ELF4: variants seen among roughly 807,000 people sequenced by gnomAD.
ELF4 encodes E74 like ETS transcription factor 4.
Under a neutral mutation model 31.7 loss-of-function variants are expected in ELF4, and 10 were observed. The observed-to-expected ratio is 0.32, with a 90% CI of 0.19 to 0.54. The LOEUF is 0.54. ELF4 is among the 20% of genes least tolerant of loss of function. ELF4 has a pLI of 0.95. For synonymous variants in ELF4, 208 were observed against 226.7 expected, an observed-to-expected ratio of 0.92 and a Z score of 0.74; for missense variants, 418 against 522.0, an observed-to-expected ratio of 0.80 and a Z score of 1.94.
intron 5 of ELF4, 52 bp downstream of exon 5, chrX:130,072,174 C>G: frequency 9.1e-7 from 1 of 1,094,615 alleles, no homozygotes; most frequent in South Asian, 1.9e-5. Flanking sequence ...CGCCCCCCCA[C>G]GCCCCGCCCA....
In ELF4 at chrX:130,064,469, G is replaced by T. The variant is rs897003413; in HGVS notation, c.*2252C>A. Among the ~76,000 whole-genome samples, 2 of 112,246 alleles carry T rather than the reference G, an allele frequency of 1.8e-5. No homozygotes were observed. Among genetic ancestry groups the T allele is most frequent in the African/African-American group, 3.2e-5 (1 of 30,921 alleles). ...AACAAACAAAAACATTGTTGATAGA[G>T]GGGCTATCTTTAAGGAGCTGACAAG... On this transcript the variant is annotated 3_prime_UTR_variant, in exon 9 of 9. Transcript: ENST00000308167.
At chrX:130,110,984 C>T (rs1933478408), upstream of ELF4, among the ~76,000 whole-genome samples, 1 of 34,501 alleles carries the variant, frequency 2.9e-5, no homozygotes, top group Non-Finnish European at 5.2e-5. Context: ...GAGGGACCGA[C>T]GGGAGGGACT....
chrX:130,097,542 G>A (rs1933172605), intron 1 of ELF4, among the ~76,000 whole-genome samples: 2 of 112,403 alleles, frequency 1.8e-5, no homozygotes, highest in South Asian at 7.3e-4. Flanking sequence ...GGTGCTGCAG[G>A]AGGCCTTTGA....
chrX:130,084,430 A>G (rs1039411408), intron 1 of ELF4, among the ~76,000 whole-genome samples: 1 of 112,416 alleles, frequency 8.9e-6, no homozygotes, highest in Non-Finnish European at 1.9e-5. Context: ...ACTGCATTGA[A>G]TGGAATCCTT....
At chrX:130,074,788 C>G (rs1932818644) in intron 2 of ELF4, 36 bp from the exon 3 acceptor site, 1 of 1,201,048 alleles carries the variant, frequency 8.3e-7, no homozygotes, top group East Asian at 3.0e-5. Flanking sequence ...CAAGACCCAC[C>G]CAGCTCTTCC....
At chrX:130,108,289 A>G (rs1338502080) in intron 1 of ELF4, among the ~76,000 whole-genome samples, 1 of 111,318 alleles carries the variant, frequency 9.0e-6, no homozygotes, top group Non-Finnish European at 1.9e-5. Context: ...AGCCTGGGTG[A>G]CAAAGTGAGA....
In ELF4 at chrX:130,101,850, G is replaced by T. The variant is rs145876112; in HGVS notation, c.-210+8475C>A. 1.8e-4 allele frequency among the ~76,000 whole-genome samples: 16 copies of T among 87,715 alleles called. No homozygotes were observed. In the Admixed American group the frequency reaches 1.9e-3, roughly 10 times the overall value. The allele number at this position is 87,715 out of a possible 115,157, so 76.2% of individuals were successfully genotyped here. A position where few individuals can be genotyped will look rare whatever the true frequency, so the allele number is the denominator to read the frequency against. The stretch of plus-strand genomic sequence containing the variant: ...ACAAAACAAAACAAAACAAAAACAA[G>T]GCCAGACTGGGCGCAGTGGCTCACG... On this transcript the variant is annotated intron_variant, in intron 1 of 8. Transcript: ENST00000308167.
rs753073437 is a variant in ELF4 at position 130,069,473 on chromosome X, A to G, written c.1014T>C (p.Ser338=). Residue 338 remains serine, a synonymous_variant, in exon 8 of 9, where the codon TCT becomes TCC. Coordinates refer to ENST00000308167, the MANE Select transcript of ELF4 (RefSeq NM_001421.4). ...RRTSSRVSSR[S]APQGKGSSSW... is the part of the protein sequence containing the mutation. The stretch of plus-strand genomic sequence containing the variant: ...AAGAGCTGCCCTTGCCCTGGGGGGC[A>G]GATCTGGATGAGACCCTGGAGCTGG... The G allele has an allele frequency of 7.4e-6, 9 of 1,212,486 alleles. No individual in the cohort carries two copies. The highest frequency in any genetic ancestry group is 1.0e-5 in the Non-Finnish European group (9 of 895,682).
intron 1 of ELF4, among the ~76,000 whole-genome samples, chrX:130,104,319 C>CACACA: frequency 9.3e-6 from 1 of 107,274 alleles, no homozygotes; most frequent in Non-Finnish European, 1.9e-5. Flanking sequence ...CACACACACA[C>CACACA]CTTCTATTAC....
chrX:130,068,592 A>G lies in ELF4; in HGVS notation c.1187+708T>C, dbSNP rs763268235. 1.3e-3 allele frequency among the ~76,000 whole-genome samples: 143 copies of G among 112,627 alleles called. 1 individual carries two copies. The highest frequency in any genetic ancestry group is 4.3e-3 in the African/African-American group (133 of 31,038). ...GAGGTCCAAACACATAACCCAACAA[A>G]GTCCAACCTTCTCAGGGAAAATCGG... On this transcript the variant is annotated intron_variant, in intron 8 of 8. Coordinates refer to ENST00000308167, the MANE Select transcript of ELF4 (RefSeq NM_001421.4).
At chrX:130,074,336 C>G (rs974765471) in intron 3 of ELF4, among the ~76,000 whole-genome samples, 195 bp from the exon 4 acceptor site, 3 of 111,211 alleles carry the variant, frequency 2.7e-5, no homozygotes, top group African/African-American at 9.8e-5. Context: ...CCAGGAAGGG[C>G]CCAGCACCCC....
chrX:130,080,147 C>T (rs754291599), intron 2 of ELF4, among the ~76,000 whole-genome samples: 17 of 111,470 alleles, frequency 1.5e-4, no homozygotes, highest in African/African-American at 5.2e-4. Flanking sequence ...GGGGTCCAGG[C>T]GTGGTGGCTC....
chrX:130,084,749 G>C (rs915458949), intron 1 of ELF4, among the ~76,000 whole-genome samples: 6 of 111,961 alleles, frequency 5.4e-5, no homozygotes, highest in Admixed American at 9.4e-5. Context: ...TCCCCCTTGA[G>C]ATGTTTGAGG....
At chrX:130,105,384 A>G (rs1420466122) in intron 1 of ELF4, among the ~76,000 whole-genome samples, 1 of 111,645 alleles carries the variant, frequency 9.0e-6, no homozygotes, top group Non-Finnish European at 1.9e-5. Flanking sequence ...ACCTTAGGGC[A>G]TGATTTCCCA....
At chrX:130,101,648 G>A (rs765906006) in intron 1 of ELF4, among the ~76,000 whole-genome samples, 14 of 109,660 alleles carry the variant, frequency 1.3e-4, no homozygotes, top group African/African-American at 2.0e-4. Context: ...AGAATTAGCC[G>A]GGTGTGGTGG....
At chrX:130,092,191 A>T (rs937578114) in intron 1 of ELF4, among the ~76,000 whole-genome samples, 11 of 113,090 alleles carry the variant, frequency 9.7e-5, no homozygotes, top group Admixed American at 8.4e-4. Context: ...GGCCCACAGC[A>T]GACAGGCAGT....
At chrX:130,075,341 A>G (rs1932825107) in intron 2 of ELF4, among the ~76,000 whole-genome samples, 1 of 106,249 alleles carries the variant, frequency 9.4e-6, no homozygotes, top group African/African-American at 3.5e-5. Flanking sequence ...CAGTGGCGCA[A>G]TCTTGGCTCA....
intron 1 of ELF4, among the ~76,000 whole-genome samples, chrX:130,101,799 CA>C (rs1366118130): frequency 1.4e-5 from 1 of 71,574 alleles, no homozygotes; most frequent in East Asian, 4.0e-4. Flanking sequence ...AACTCCGTCT[CA>C]AAAAACAAAA....
intron 1 of ELF4, among the ~76,000 whole-genome samples, chrX:130,104,046 T>G (rs751520733): frequency 9.0e-6 from 1 of 111,544 alleles, no homozygotes; most frequent in African/African-American, 3.3e-5. Context: ...AGTCAGCCAG[T>G]TGGCTCCCAG....
Sources: gnomAD v4.1 joint callset for allele counts (sites outside exome capture counted in the v4.1 genomes callset) on GRCh38, gnomAD v4.1.1 for gene constraint, MANE v1.5 for transcripts, NCBI Gene and HGNC (gene_info 2026-07-23, HGNC 2026-07-21) for gene names.